FAM135B: variants seen among roughly 807,000 people sequenced by gnomAD.
FAM135B encodes the protein protein FAM135B.
Under a neutral mutation model 127.7 loss-of-function variants are expected in FAM135B, and 43 were observed. The observed-to-expected ratio is 0.34, with a 90% CI of 0.26 to 0.43. The LOEUF is 0.43. Ranked by LOEUF, FAM135B falls within the 20% of genes least tolerant of loss-of-function variation. The probability of loss-of-function intolerance (pLI) is 1.00; values close to 1 mark genes in which losing one functional copy is unlikely to be tolerated. For synonymous variants in FAM135B, 670 were observed against 665.1 expected (o/e 1.01, Z -0.11); for missense variants, 1,558 against 1,725.6 (o/e 0.90, Z 1.72).
At chr8:138,203,202 C>T (rs1817283875) in intron 7 of FAM135B, among the ~76,000 whole-genome samples, 1 of 152,170 alleles carries the variant, frequency 6.6e-6, no homozygotes, top group Non-Finnish European at 1.5e-5. Flanking sequence ...TATGTCTCTA[C>T]ATCTAATTCC....
intron 2 of FAM135B, among the ~76,000 whole-genome samples, chr8:138,319,696 C>A (rs1827325486): frequency 6.6e-6 from 1 of 152,134 alleles, no homozygotes; most frequent in South Asian, 2.1e-4. Flanking sequence ...CTAAACTATG[C>A]CCTTTACATA....
intron 7 of FAM135B, among the ~76,000 whole-genome samples, chr8:138,205,802 T>C (rs1427828264): frequency 2.0e-5 from 3 of 152,068 alleles, no homozygotes; most frequent in Non-Finnish European, 4.4e-5. Context: ...AGAGTGTATC[T>C]GAGAATGAGA....
At chr8:138,426,149 T>C (rs1293892116) in intron 1 of FAM135B, among the ~76,000 whole-genome samples, 1 of 149,926 alleles carries the variant, frequency 6.7e-6, no homozygotes, top group Non-Finnish European at 1.5e-5. Context: ...TATATATATA[T>C]ATAATGCTAA....
chr8:138,307,900 T>C (rs1219001881), intron 3 of FAM135B, among the ~76,000 whole-genome samples: 2 of 152,162 alleles, frequency 1.3e-5, no homozygotes, highest in Admixed American at 6.5e-5. Context: ...CCTAAAGATA[T>C]ATTTTTCTTT....
At chr8:138,338,027 A>G (rs1480019005) in intron 2 of FAM135B, among the ~76,000 whole-genome samples, 1 of 152,234 alleles carries the variant, frequency 6.6e-6, no homozygotes, top group Non-Finnish European at 1.5e-5. Context: ...CCTATTTAAT[A>G]AATGGTGCTG....
chr8:138,454,669 T>C (rs1000112220), intron 1 of FAM135B, among the ~76,000 whole-genome samples: 8 of 152,210 alleles, frequency 5.3e-5, no homozygotes, highest in African/African-American at 1.7e-4. Context: ...TCTGTAAACA[T>C]AGATTTAGTT....
intron 1 of FAM135B, among the ~76,000 whole-genome samples, chr8:138,443,756 A>G (rs79971311): frequency 0.091 from 13,901 of 151,988 alleles, 945 homozygotes; most frequent in East Asian, 0.29. Context: ...CGCAGGTTAT[A>G]TGCCAGCTAA....
At chr8:138,399,109 T>A (rs578144726) in intron 1 of FAM135B, among the ~76,000 whole-genome samples, 1 of 152,302 alleles carries the variant, frequency 6.6e-6, no homozygotes, top group South Asian at 2.1e-4. Flanking sequence ...TCTCATAGCA[T>A]TGCATCATTC....
rs1012485134 is a variant in FAM135B at position 138,497,139 on chromosome 8, G to C, written c.-488C>G. On this transcript the variant is annotated 5_prime_UTR_variant, in exon 1 of 20. Coordinates refer to ENST00000395297, the MANE Select transcript of FAM135B (RefSeq NM_015912.4). Reference sequence around the variant, plus strand: ...CCCTCACTCCTCTCCTTCCTCCGCCGGGACGCGGCCAGACCCTCCGCGCCG... The same window carrying C: ...CCCTCACTCCTCTCCTTCCTCCGCCCGGACGCGGCCAGACCCTCCGCGCCG... 1.3e-5 allele frequency among the ~76,000 whole-genome samples: 2 copies of C among 151,394 alleles called. No individual in the cohort carries two copies. The highest frequency in any genetic ancestry group is 2.9e-5 in the Non-Finnish European group (2 of 67,804).
intron 2 of FAM135B, among the ~76,000 whole-genome samples, chr8:138,313,411 C>T (rs1435783085): frequency 6.6e-6 from 1 of 152,132 alleles, no homozygotes. Flanking sequence ...GGATTACAGG[C>T]GTGAGCCACC....
intron 3 of FAM135B, among the ~76,000 whole-genome samples, chr8:138,284,292 C>T (rs1193998474): frequency 2.0e-5 from 3 of 152,030 alleles, no homozygotes; most frequent in Non-Finnish European, 2.9e-5. Context: ...CAACCTTGTC[C>T]GTGCTCTCCT....
At chr8:138,346,167 T>C (rs181259911) in intron 2 of FAM135B, among the ~76,000 whole-genome samples, 11 of 152,242 alleles carry the variant, frequency 7.2e-5, no homozygotes, top group Non-Finnish European at 1.3e-4. Flanking sequence ...GCTGGCAAGG[T>C]TGCAGATAAA....
intron 12 of FAM135B, among the ~76,000 whole-genome samples, chr8:138,157,232 G>C (rs928498416): frequency 6.6e-6 from 1 of 152,134 alleles, no homozygotes; most frequent in African/African-American, 2.4e-5. Flanking sequence ...AAAGGCCTTT[G>C]ACAAAATTCA....
At chr8:138,398,148 C>T (rs550095292) in intron 1 of FAM135B, among the ~76,000 whole-genome samples, 1 of 152,250 alleles carries the variant, frequency 6.6e-6, no homozygotes, top group African/African-American at 2.4e-5. Flanking sequence ...CTGCTTCACG[C>T]CTTCTGTAAA....
At chr8:138,194,807 C>T (rs904174330) in intron 9 of FAM135B, among the ~76,000 whole-genome samples, 1 of 152,212 alleles carries the variant, frequency 6.6e-6, no homozygotes, top group Non-Finnish European at 1.5e-5. Flanking sequence ...TCAGCCTTTA[C>T]TCTTAATGCA....
At chr8:138,263,710 A>C (rs575962956) in intron 4 of FAM135B, among the ~76,000 whole-genome samples, 1 of 152,192 alleles carries the variant, frequency 6.6e-6, no homozygotes, top group East Asian at 1.9e-4. Context: ...AGGGCCATCA[A>C]ACAGGGCACA....
chr8:138,377,253 G>T (rs950677527), intron 1 of FAM135B, among the ~76,000 whole-genome samples: 1 of 152,162 alleles, frequency 6.6e-6, no homozygotes, highest in African/African-American at 2.4e-5. Context: ...GTTCTCAAAC[G>T]ATTGTGTATT....
chr8:138,497,211 T>G lies in FAM135B; in HGVS notation c.-560A>C, dbSNP rs2131707029. 6.6e-6 allele frequency among the ~76,000 whole-genome samples: 1 copy of G among 150,910 alleles called. No individual in the cohort carries two copies. Among genetic ancestry groups the G allele is most frequent in the South Asian group, 2.1e-4 (1 of 4,824 alleles). ...GGAGAGCCCGCCCTGCTGCTCCCGC[T>G]GGCTCCGCTCCGCAGCCGCTGCGCA... On this transcript the variant is annotated 5_prime_UTR_variant, in exon 1 of 20. Transcript: ENST00000395297.
intron 1 of FAM135B, among the ~76,000 whole-genome samples, chr8:138,445,886 A>G (rs1440961909): frequency 6.6e-6 from 1 of 152,208 alleles, no homozygotes; most frequent in East Asian, 1.9e-4. Flanking sequence ...AGATGACATA[A>G]TTGTATATCT....
Sources: gnomAD v4.1 joint callset for allele counts (sites outside exome capture counted in the v4.1 genomes callset) on GRCh38, gnomAD v4.1.1 for gene constraint, MANE v1.5 for transcripts, NCBI Gene and HGNC (gene_info 2026-07-23, HGNC 2026-07-21) for gene names.